ALCAM: variants seen among roughly 807,000 people sequenced by gnomAD.
The protein encoded by ALCAM is activated leukocyte cell adhesion molecule.
ALCAM carries 30 observed loss-of-function variants against 70.9 expected under a neutral mutation model. That is an observed-to-expected ratio of 0.42 (90% confidence interval 0.32 to 0.57). The LOEUF (loss-of-function observed/expected upper bound fraction) is 0.57. Ranked by LOEUF, ALCAM falls within the 20% of genes least tolerant of loss-of-function variation. ALCAM has a pLI of 0.11. For missense variants in ALCAM, 591 were observed against 695.1 expected, an observed-to-expected ratio of 0.85 and a Z score of 1.68; for synonymous variants, 249 against 242.5, an observed-to-expected ratio of 1.03 and a Z score of -0.25.
At chr3:105,525,023 A>G in intron 3 of ALCAM, 1 of 888,374 alleles carries the variant, frequency 1.1e-6, no homozygotes, top group Non-Finnish European at 1.3e-6. Flanking sequence ...AATATCCCAT[A>G]TATATCCACA....
At position 105,547,502 on chromosome 3, in the gene ALCAM, C is replaced by T; in HGVS notation, c.1353C>T (p.Gly451=). ...CAGCCATTCAATGGACAATTACTGGCAGTGGAAGCGTCATAAACCAAGCAA... is the reference window on the plus strand; with the variant it reads ...CAGCCATTCAATGGACAATTACTGGTAGTGGAAGCGTCATAAACCAAGCAA... ...PKPAIQWTIT[G]SGSVINQTEE... is the part of the protein sequence containing the mutation. Residue 451 remains glycine (G), a synonymous_variant, in exon 11 of 16, where the codon GGC becomes GGT. Transcript: ENST00000306107. The T allele has an allele frequency of 1.9e-6, 3 of 1,609,926 alleles. No homozygotes were observed. Among genetic ancestry groups the T allele is most frequent in the Non-Finnish European group, 2.5e-6 (3 of 1,177,390 alleles).
intron 1 of ALCAM, among the ~76,000 whole-genome samples, chr3:105,483,733 T>C (rs2152608361): frequency 6.6e-6 from 1 of 152,240 alleles, no homozygotes; most frequent in Middle Eastern, 3.4e-3. Flanking sequence ...AGAAGGATCA[T>C]GCAGGAGATC....
At chr3:105,411,080 A>G (rs890751065) in intron 1 of ALCAM, among the ~76,000 whole-genome samples, 1 of 152,056 alleles carries the variant, frequency 6.6e-6, no homozygotes, top group African/African-American at 2.4e-5. Flanking sequence ...ATTAATGGTA[A>G]TGGAAAAACA....
At chr3:105,453,989 T>G (rs1937496101) in intron 1 of ALCAM, among the ~76,000 whole-genome samples, 1 of 152,230 alleles carries the variant, frequency 6.6e-6, no homozygotes, top group African/African-American at 2.4e-5. Flanking sequence ...ATATGTTTAT[T>G]ATTTTATTCA....
chr3:105,521,307 CAAAAAAAAAAAAA>C (rs3996196), intron 2 of ALCAM, among the ~76,000 whole-genome samples: 1 of 78,150 alleles, frequency 1.3e-5, no homozygotes, highest in African/African-American at 5.4e-5. Context: ...GACTCCGTCT[CAAAAAAAAAAAAA>C]AAAAAAAAAA....
At chr3:105,482,165 T>G (rs1273281593) in intron 1 of ALCAM, among the ~76,000 whole-genome samples, 2 of 152,226 alleles carry the variant, frequency 1.3e-5, no homozygotes, top group Non-Finnish European at 2.9e-5. Context: ...CACGCTAGAA[T>G]GCAGTGGCAC....
intron 1 of ALCAM, among the ~76,000 whole-genome samples, chr3:105,515,807 CAAAT>C (rs1329658266): frequency 2.6e-5 from 4 of 151,986 alleles, no homozygotes; most frequent in African/African-American, 9.7e-5. Flanking sequence ...ATTAGTGAAA[CAAAT>C]AGGAGCATTA....
intron 15 of ALCAM, among the ~76,000 whole-genome samples, 189 bp downstream of exon 15, chr3:105,572,153 T>C (rs943732677): frequency 6.6e-6 from 1 of 152,192 alleles, no homozygotes; most frequent in Non-Finnish European, 1.5e-5. Context: ...TATGTTACGC[T>C]GGTATAAACG....
At chr3:105,507,891 G>C (rs1389433660) in intron 1 of ALCAM, among the ~76,000 whole-genome samples, 3 of 152,108 alleles carry the variant, frequency 2.0e-5, no homozygotes, top group East Asian at 3.9e-4. Context: ...GAGGTCTACT[G>C]TGCTACCCCT....
chr3:105,447,831 A>G (rs1275008638), intron 1 of ALCAM, among the ~76,000 whole-genome samples: 3 of 152,244 alleles, frequency 2.0e-5, no homozygotes, highest in Non-Finnish European at 4.4e-5. Context: ...TGGCAGTGGA[A>G]TGAGGCTCAC....
At chr3:105,516,651 A>G (rs956147343) in intron 1 of ALCAM, among the ~76,000 whole-genome samples, 2 of 152,134 alleles carry the variant, frequency 1.3e-5, no homozygotes, top group African/African-American at 2.4e-5. Context: ...ATGTTAAGAC[A>G]TTTTAATAGC....
chr3:105,553,219 T>C, intron 14 of ALCAM: 1 of 641,182 alleles, frequency 1.6e-6, no homozygotes, highest in Non-Finnish European at 1.9e-6. Flanking sequence ...TTACAAATTA[T>C]CTAACAGTGG....
chr3:105,564,625 T>C (rs1202320447), intron 14 of ALCAM, among the ~76,000 whole-genome samples: 1 of 152,252 alleles, frequency 6.6e-6, no homozygotes, highest in Non-Finnish European at 1.5e-5. Context: ...TACAGATTTC[T>C]AGGTTGATAC....
intron 6 of ALCAM, among the ~76,000 whole-genome samples, chr3:105,539,544 G>T (rs116356458): frequency 1.3e-5 from 2 of 151,970 alleles, no homozygotes; most frequent in Admixed American, 6.6e-5. Context: ...TTCATATGAA[G>T]TATTATCATG....
intron 1 of ALCAM, among the ~76,000 whole-genome samples, chr3:105,500,974 A>T (rs1278764032): frequency 6.6e-6 from 1 of 152,192 alleles, no homozygotes; most frequent in Non-Finnish European, 1.5e-5. Context: ...AACTTTATTC[A>T]CAAGGAAACT....
chr3:105,563,553 C>G (rs1940673707), intron 14 of ALCAM, among the ~76,000 whole-genome samples: 1 of 151,532 alleles, frequency 6.6e-6, no homozygotes, highest in African/African-American at 2.4e-5. Flanking sequence ...AGCACTGTTA[C>G]CTGTGTTCCA....
intron 1 of ALCAM, among the ~76,000 whole-genome samples, chr3:105,426,451 A>G (rs1936793400): frequency 6.6e-6 from 1 of 151,964 alleles, no homozygotes; most frequent in African/African-American, 2.4e-5. Flanking sequence ...TGATCAAATC[A>G]GGGTAATTAA....
At chr3:105,486,357 A>G (rs1938427678) in intron 1 of ALCAM, among the ~76,000 whole-genome samples, 1 of 152,106 alleles carries the variant, frequency 6.6e-6, no homozygotes, top group African/African-American at 2.4e-5. Flanking sequence ...CACTTACTGA[A>G]TTTTCACATA....
chr3:105,421,148 G>A (rs1364825595), intron 1 of ALCAM, among the ~76,000 whole-genome samples: 1 of 151,360 alleles, frequency 6.6e-6, no homozygotes, highest in Non-Finnish European at 1.5e-5. Flanking sequence ...ACCCTCTCAG[G>A]TAAGAGTTGT....
Sources: gnomAD v4.1 joint callset for allele counts (sites outside exome capture counted in the v4.1 genomes callset) on GRCh38, gnomAD v4.1.1 for gene constraint, MANE v1.5 for transcripts, NCBI Gene and HGNC (gene_info 2026-07-23, HGNC 2026-07-21) for gene names.